ASIC2: variants seen among roughly 807,000 people sequenced by gnomAD.
ASIC2 encodes acid sensing ion channel subunit 2, also known as acid-sensing ion channel 2.
A neutral mutation model predicts 57.3 loss-of-function variants in ASIC2; 25 were observed. That is an observed-to-expected ratio of 0.44 (90% CI 0.32 to 0.61). The LOEUF (loss-of-function observed/expected upper bound fraction) is 0.61, where lower values mean the gene tolerates loss of function less well. ASIC2 is among the 20% of genes least tolerant of loss of function. ASIC2 has a pLI of 0.06. For synonymous variants in ASIC2, 319 were observed against 307.5 expected, an observed-to-expected ratio of 1.04 and a Z score of -0.39; for missense variants, 641 against 738.1, an observed-to-expected ratio of 0.87 and a Z score of 1.52.
At chr17:33,400,571 C>T (rs905066181) in intron 1 of ASIC2, among the ~76,000 whole-genome samples, 1 of 152,180 alleles carries the variant, frequency 6.6e-6, no homozygotes, top group Non-Finnish European at 1.5e-5. Flanking sequence ...AGAAATCTCT[C>T]TTTTGGGAAA....
intron 1 of ASIC2, among the ~76,000 whole-genome samples, chr17:33,244,679 A>G (rs116937641): frequency 0.014 from 2,082 of 152,128 alleles, 26 homozygotes; most frequent in Middle Eastern, 0.041. Flanking sequence ...CCACCACGAG[A>G]CCCTTGGCTC....
Position 33,082,271 on chromosome 17 carries a change from A to G in ASIC2, c.987+6592T>C, listed in dbSNP as rs142954300. Among the ~76,000 whole-genome samples the G allele has an allele frequency of 4.0e-3, 613 of 152,300 alleles. 3 individuals carry two copies. Among genetic ancestry groups the G allele is most frequent in the African/African-American group, 0.014 (583 of 41,558 alleles). On this transcript the variant is annotated intron_variant, in intron 3 of 9. Transcript: ENST00000225823. ...CAGAATCTCTAGATTCATTCCCAGG[A>G]CCACCAAGAAGTATAAGCAAAGTGG...
intron 1 of ASIC2, among the ~76,000 whole-genome samples, chr17:33,130,465 G>A (rs568063968): frequency 2.0e-5 from 3 of 152,146 alleles, no homozygotes; most frequent in Non-Finnish European, 2.9e-5. Context: ...ACACATACAC[G>A]CTAATTATTA....
intron 1 of ASIC2, among the ~76,000 whole-genome samples, chr17:33,389,345 G>A (rs1909809195): frequency 6.6e-6 from 1 of 152,176 alleles, no homozygotes; most frequent in Non-Finnish European, 1.5e-5. Flanking sequence ...AGTCACCTGA[G>A]TCTGAACTTA....
At chr17:33,061,811 A>G (rs2092021936) in intron 3 of ASIC2, among the ~76,000 whole-genome samples, 3 of 152,068 alleles carry the variant, frequency 2.0e-5, no homozygotes, top group Admixed American at 6.6e-5. Flanking sequence ...TTGGTTGGTA[A>G]GCTATTAATT....
chr17:33,108,730 C>A (rs1426138043), intron 2 of ASIC2, among the ~76,000 whole-genome samples: 1 of 152,162 alleles, frequency 6.6e-6, no homozygotes. Context: ...ATGGAGGGAG[C>A]CCTAATGCAG....
chr17:33,262,421 G>A (rs1179503638), intron 1 of ASIC2, among the ~76,000 whole-genome samples: 1 of 151,228 alleles, frequency 6.6e-6, no homozygotes, highest in African/African-American at 2.4e-5. Context: ...AAGGAGGGAA[G>A]GAGAGGAGGA....
chr17:33,187,723 G>T (rs529851092), intron 1 of ASIC2, among the ~76,000 whole-genome samples: 1 of 152,082 alleles, frequency 6.6e-6, no homozygotes, highest in East Asian at 1.9e-4. Context: ...AAAACAGAAG[G>T]GGGCTGGATT....
intron 1 of ASIC2, among the ~76,000 whole-genome samples, chr17:33,639,830 G>T (rs867730401): frequency 2.7e-5 from 4 of 150,854 alleles, no homozygotes; most frequent in South Asian, 4.2e-4. Context: ...GCCAGTATTC[G>T]GCAGAACTTA....
intron 1 of ASIC2, among the ~76,000 whole-genome samples, chr17:33,446,495 A>G (rs1912022850): frequency 1.3e-5 from 2 of 152,176 alleles, no homozygotes; most frequent in South Asian, 2.1e-4. Flanking sequence ...AACGTGGATT[A>G]TCAACTACCA....
intron 1 of ASIC2, among the ~76,000 whole-genome samples, chr17:33,289,150 G>C (rs778816947): frequency 9.2e-5 from 14 of 152,204 alleles, no homozygotes; most frequent in Non-Finnish European, 1.3e-4. Flanking sequence ...AAGCCACTAG[G>C]GGTCACCTGA....
At chr17:34,033,678 G>T (rs1907729452) in intron 1 of ASIC2, among the ~76,000 whole-genome samples, 1 of 151,892 alleles carries the variant, frequency 6.6e-6, no homozygotes, top group South Asian at 2.1e-4. Flanking sequence ...ATGATGAAGG[G>T]GCTATCATCA....
chr17:33,332,629 G>A (rs557756945), intron 1 of ASIC2, among the ~76,000 whole-genome samples: 31 of 152,264 alleles, frequency 2.0e-4, no homozygotes, highest in African/African-American at 5.8e-4. Context: ...GGTGGCTCAC[G>A]CTTGTAATCC....
chr17:34,071,217 G>A (rs1266722941), intron 1 of ASIC2: 2 of 152,138 alleles, frequency 1.3e-5, no homozygotes, highest in Non-Finnish European at 2.9e-5. Flanking sequence ...CAGGTATTGA[G>A]ATAGTCTAGG....
At chr17:33,453,260 C>G (rs113120424) in intron 1 of ASIC2, among the ~76,000 whole-genome samples, 3 of 149,706 alleles carry the variant, frequency 2.0e-5, no homozygotes, top group African/African-American at 7.4e-5. Context: ...TGGGGACACT[C>G]CTCTTCCTTT....
intron 3 of ASIC2, among the ~76,000 whole-genome samples, chr17:33,088,506 G>A (rs748700705): frequency 2.0e-5 from 3 of 151,834 alleles, no homozygotes; most frequent in South Asian, 2.1e-4. Context: ...TTGTATTAAC[G>A]CAAGTGATGA....
intron 1 of ASIC2, chr17:34,039,728 C>T (rs1356630941): frequency 2.5e-6 from 4 of 1,612,464 alleles, no homozygotes; most frequent in Non-Finnish European, 1.7e-6. Context: ...GTCTCTACTT[C>T]TTTATCACTC....
In ASIC2 at chr17:33,586,107, T is replaced by C. The variant is rs559848810; in HGVS notation, c.556-474040A>G. On this transcript the variant is annotated intron_variant, in intron 1 of 9. Coordinates refer to the ASIC2 transcript ENST00000359872. ...CTCAGGAGAAGCAAGTGAACATGGC[T>C]CTGTGTGAGCTGGCAAAGAAGAGTG... 7.9e-5 allele frequency among the ~76,000 whole-genome samples: 12 copies of C among 152,294 alleles called. No individual in the cohort carries two copies. In the East Asian group the frequency reaches 1.5e-3, roughly 20 times the overall value.
At position 33,513,664 on chromosome 17, in the gene ASIC2, T is replaced by C. The variant is rs114105178; in HGVS notation, c.556-401597A>G. ...TGGGGCAGTAAGAGGTGAGAGGAAG[T>C]TGGGGAACAAAACCCCATGACGTCC... On this transcript the variant is annotated intron_variant, in intron 1 of 9. Coordinates refer to the ASIC2 transcript ENST00000359872. Among the ~76,000 whole-genome samples, 513 of 152,318 alleles carry C rather than the reference T, an allele frequency of 3.4e-3. 5 individuals are homozygous for C. Among genetic ancestry groups the C allele is most frequent in the African/African-American group, 0.012 (489 of 41,576 alleles).
Sources: gnomAD v4.1 joint callset for allele counts (sites outside exome capture counted in the v4.1 genomes callset) on GRCh38, gnomAD v4.1.1 for gene constraint, MANE v1.5 for transcripts, NCBI Gene and HGNC (gene_info 2026-07-23, HGNC 2026-07-21) for gene names.